Variants in CDH7 observed in about 807,000 individuals in gnomAD.
CDH7 encodes cadherin-7.
CDH7 carries 25 observed loss-of-function variants against 71.8 expected under a neutral mutation model. That is an observed-to-expected ratio of 0.35 (90% CI 0.25 to 0.49). CDH7 has a LOEUF of 0.49. Among genes scored for constraint, CDH7 ranks in the 20% least tolerant of loss-of-function variants. CDH7 has a pLI of 0.99. For missense variants in CDH7, 862 were observed against 974.6 expected, an observed-to-expected ratio of 0.88 and a Z score of 1.54; for synonymous variants, 381 against 363.8, an observed-to-expected ratio of 1.05 and a Z score of -0.54.
rs1914289722 is a variant in CDH7, at chr18:65,883,505, A to C, written c.*2611A>C. The C allele has an allele frequency of 6.6e-6, 1 of 152,072 alleles. No homozygotes were observed. Among genetic ancestry groups the C allele is most frequent in the Admixed American group, 6.6e-5 (1 of 15,252 alleles). 9.4% of individuals were successfully genotyped at this position (152,072 alleles called of 1,614,324 possible). On this transcript the variant is annotated 3_prime_UTR_variant, in exon 12 of 12. Coordinates refer to ENST00000397968, the MANE Select transcript of CDH7 (RefSeq NM_004361.5). Reference sequence around the variant, plus strand: ...TTGGAAAATTCTCCAAATATGATTTAAATAAATATATATTATCAAGTTGCT... The same window carrying C: ...TTGGAAAATTCTCCAAATATGATTTCAATAAATATATATTATCAAGTTGCT...
At position 65,881,256 on chromosome 18, in the gene CDH7, A is replaced by G. The variant is rs529022023; in HGVS notation, c.*362A>G. On this transcript the variant is annotated 3_prime_UTR_variant, in exon 12 of 12. Coordinates refer to ENST00000397968, the MANE Select transcript of CDH7 (RefSeq NM_004361.5). ...TCAGTGAGTCAAAGATGCCCTGTACATACCTTCATGGTACTGTCATTGAGA... is the reference window on the plus strand; with the variant it reads ...TCAGTGAGTCAAAGATGCCCTGTACGTACCTTCATGGTACTGTCATTGAGA... The G allele has an allele frequency of 1.3e-4, 23 of 173,420 alleles. No homozygotes were observed. The South Asian group carries it at 2.9e-3, about 22-fold the overall frequency. 10.7% of individuals were successfully genotyped at this position (173,420 alleles called of 1,614,324 possible). A position where few individuals can be genotyped will look rare whatever the true frequency, so the allele number is the denominator to read the frequency against.
At chr18:65,795,947 C>T (rs1910896694) in intron 2 of CDH7, among the ~76,000 whole-genome samples, 1 of 150,140 alleles carries the variant, frequency 6.7e-6, no homozygotes, top group Admixed American at 6.6e-5. Context: ...TCTCTCCTGC[C>T]CCCCTGTGAA....
intron 11 of CDH7, among the ~76,000 whole-genome samples, chr18:65,874,059 T>A (rs1914001739): frequency 6.6e-6 from 1 of 152,220 alleles, no homozygotes; most frequent in African/African-American, 2.4e-5. Context: ...TCATGTATTA[T>A]TCTTTGTGCT....
intron 2 of CDH7, among the ~76,000 whole-genome samples, chr18:65,791,273 T>G (rs967573747): frequency 1.3e-5 from 2 of 152,202 alleles, no homozygotes; most frequent in East Asian, 1.9e-4. Flanking sequence ...ATTTAATCGG[T>G]CAGCTCTTTG....
At position 65,824,978 on chromosome 18, in the gene CDH7, T is replaced by C. The variant is rs1912075918; in HGVS notation, c.981+147T>C. ...GATAAGCTATACATTTAATTTTTGG[T>C]GTCAGACTCTTAGGGAACCTTGAGT... On this transcript the variant is annotated intron_variant, in intron 6 of 11. Transcript: ENST00000397968. The C allele has an allele frequency of 8.0e-6, 4 of 497,662 alleles. No homozygotes were observed. The East Asian group carries it at 9.6e-5, about 12-fold the overall frequency. The allele number at this position is 497,662 out of a possible 1,614,324, so 30.8% of individuals were successfully genotyped here.
chr18:65,825,720 T>C (rs1912105796), intron 6 of CDH7, among the ~76,000 whole-genome samples: 1 of 151,882 alleles, frequency 6.6e-6, no homozygotes, highest in African/African-American at 2.4e-5. Context: ...ATATTTTATT[T>C]GTTATAGGAA....
chr18:65,806,863 G>T (rs1911345655), intron 2 of CDH7, among the ~76,000 whole-genome samples: 1 of 152,190 alleles, frequency 6.6e-6, no homozygotes, highest in Non-Finnish European at 1.5e-5. Context: ...AAGTCTCACA[G>T]ATTAAATGTC....
Position 65,887,910 on chromosome 18 carries a change from C to T in CDH7, c.*7016C>T, listed in dbSNP as rs560426071. 4 of 152,072 alleles carry T rather than the reference C, an allele frequency of 2.6e-5. No individual in the cohort carries two copies. The East Asian group carries it at 7.7e-4, about 29-fold the overall frequency. The allele number at this position is 152,072 out of a possible 1,614,324, so 9.4% of individuals were successfully genotyped here. A position where few individuals can be genotyped will look rare whatever the true frequency, so the allele number is the denominator to read the frequency against. ...TATAATTTTTATGTTTATGAGATTC[C>T]ATTATAATTACATTAAAAAGAAAAC... On this transcript the variant is annotated 3_prime_UTR_variant, in exon 12 of 12. Coordinates refer to ENST00000397968, the MANE Select transcript of CDH7 (RefSeq NM_004361.5).
At chr18:65,784,062 C>G (rs2143841148) in intron 2 of CDH7, among the ~76,000 whole-genome samples, 1 of 151,432 alleles carries the variant, frequency 6.6e-6, no homozygotes, top group East Asian at 1.9e-4. Context: ...AGGGATGCTC[C>G]CTCCTCAGCT....
Position 65,862,818 on chromosome 18 carries a change from G to A in CDH7, c.1765G>A (p.Gly589Ser), listed in dbSNP as rs779880752. 18 of 1,614,024 alleles carry A rather than the reference G, an allele frequency of 1.1e-5. No homozygotes were observed. The highest frequency in any genetic ancestry group is 8.8e-5 in the South Asian group (8 of 91,082). ...TIRVCDCDAD[G>S]VAQTCNAEAY... ...CCGCGTGTGTGACTGTGATGCTGACGGCGTAGCCCAGACCTGCAATGCAGA... is the reference window on the plus strand; with the variant it reads ...CCGCGTGTGTGACTGTGATGCTGACAGCGTAGCCCAGACCTGCAATGCAGA... The change falls in exon 11 of 12, where the codon GGC (glycine) becomes AGC (serine). Residue 589 changes from glycine to serine, a missense_variant. Physicochemically the swap from Gly to Ser is moderately conservative, Grantham distance 56 (BLOSUM62 0). Coordinates refer to ENST00000397968, the MANE Select transcript of CDH7 (RefSeq NM_004361.5).
At chr18:65,834,054 C>T (rs12605747) in intron 6 of CDH7, among the ~76,000 whole-genome samples, 149,267 of 152,242 alleles carry the variant, frequency 0.98, 73,231 homozygotes, top group East Asian at 1. Context: ...TGCCCTCCCA[C>T]GGCGTGTTGA....
intron 7 of CDH7, among the ~76,000 whole-genome samples, chr18:65,845,288 A>C (rs544659571): frequency 6.6e-6 from 1 of 152,164 alleles, no homozygotes; most frequent in East Asian, 1.9e-4. Context: ...AAGTGAAATC[A>C]TATGTATTAT....
chr18:65,777,563 G>A (rs1290496266), intron 2 of CDH7, among the ~76,000 whole-genome samples: 1 of 151,870 alleles, frequency 6.6e-6, no homozygotes, highest in African/African-American at 2.4e-5. Context: ...AAGCATACTT[G>A]TATTTGCATG....
chr18:65,874,284 A>G (rs2144060626), intron 11 of CDH7, among the ~76,000 whole-genome samples: 1 of 152,310 alleles, frequency 6.6e-6, no homozygotes, highest in Admixed American at 6.5e-5. Flanking sequence ...TTCTTTACAG[A>G]GTTTTAGGCT....
intron 4 of CDH7, among the ~76,000 whole-genome samples, chr18:65,819,838 C>T (rs969622957): frequency 2.0e-5 from 3 of 151,174 alleles, no homozygotes; most frequent in Non-Finnish European, 4.4e-5. Context: ...GCGTGAATCT[C>T]CCCAGCCCCT....
intron 2 of CDH7, among the ~76,000 whole-genome samples, chr18:65,789,779 G>A (rs1042902554): frequency 6.6e-6 from 1 of 152,114 alleles, no homozygotes; most frequent in Non-Finnish European, 1.5e-5. Context: ...AGAGGGAAAG[G>A]AGGTGGGGAG....
chr18:65,844,182 T>G (rs1285906800), intron 7 of CDH7, 117 bp downstream of exon 7: 1 of 256,912 alleles, frequency 3.9e-6, no homozygotes, highest in South Asian at 1.3e-4. Context: ...CAGATATATA[T>G]ATATATCGAG....
chr18:65,797,877 A>G (rs1185159231), intron 2 of CDH7, among the ~76,000 whole-genome samples: 4 of 152,072 alleles, frequency 2.6e-5, no homozygotes, highest in Non-Finnish European at 5.9e-5. Flanking sequence ...CTTCCTCTGT[A>G]TTTCTCTCTT....
Position 65,888,061 on chromosome 18 carries a change from A to C in CDH7, c.*7167A>C, listed in dbSNP as rs919055643. 6.6e-6 allele frequency: 1 copy of C among 152,206 alleles called. No homozygotes were observed. Among genetic ancestry groups the C allele is most frequent in the African/African-American group, 2.4e-5 (1 of 41,460 alleles). 9.4% of individuals were successfully genotyped at this position (152,206 alleles called of 1,614,324 possible). A position where few individuals can be genotyped will look rare whatever the true frequency, so the allele number is the denominator to read the frequency against. Reference sequence around the variant, plus strand: ...GTTCATTTAACCTTGGAAATGAGACATGAAGCATAAAACCTGGGGTCAGGA... The same window carrying C: ...GTTCATTTAACCTTGGAAATGAGACCTGAAGCATAAAACCTGGGGTCAGGA... On this transcript the variant is annotated 3_prime_UTR_variant, in exon 12 of 12. Transcript: ENST00000397968.
Sources: gnomAD v4.1 joint callset for allele counts (sites outside exome capture counted in the v4.1 genomes callset) on GRCh38, gnomAD v4.1.1 for gene constraint, MANE v1.5 for transcripts, NCBI Gene and HGNC (gene_info 2026-07-23, HGNC 2026-07-21) for gene names.